The following NDUFA11 variants were observed in gnomAD, a reference collection of about 807,000 sequenced individuals.
The protein encoded by NDUFA11 is NADH:ubiquinone oxidoreductase subunit A11.
A neutral mutation model predicts 11.3 loss-of-function variants in NDUFA11; 14 were observed. The observed-to-expected ratio is 1.24, with a 90% confidence interval of 0.82 to 1.94. NDUFA11 has a LOEUF of 1.94. Among genes scored for constraint, NDUFA11 ranks in the 30% most tolerant of loss-of-function variants. The pLI, the probability that NDUFA11 is intolerant of heterozygous loss-of-function variation, is 0.00. For synonymous variants in NDUFA11, 87 were observed against 85.6 expected, an observed-to-expected ratio of 1.02 and a Z score of -0.09; for missense variants, 204 against 200.3, an observed-to-expected ratio of 1.02 and a Z score of -0.11.
chr19:5,899,275 G>C lies in NDUFA11; in HGVS notation c.98-2278C>G, dbSNP rs62106030. Among the ~76,000 whole-genome samples, 298 of 149,286 alleles carry C rather than the reference G, an allele frequency of 2.0e-3. 1 individual carries two copies. The highest frequency in any genetic ancestry group is 7.0e-3 in the African/African-American group (282 of 40,502). On this transcript the variant is annotated intron_variant, in intron 1 of 3. Coordinates refer to ENST00000308961, the MANE Select transcript of NDUFA11 (RefSeq NM_175614.5). ...CACCATTCTCCTGCCTCAGCCTCCC[G>C]AGTAGCTGGGACTACAGGCGCCCGC...
rs1278846658 is a variant in NDUFA11 at position 5,896,420 on chromosome 19, G to A, written c.313+33C>T. ...GTCAGGGGTCATTCTGCCAGGCTGGGAGGAGGGTGGGGGTGGGGAGGGGGC... is the reference window on the plus strand; with the variant it reads ...GTCAGGGGTCATTCTGCCAGGCTGGAAGGAGGGTGGGGGTGGGGAGGGGGC... On this transcript the variant is annotated intron_variant, in intron 3 of 3. Transcript: ENST00000308961. The surrounding 1 kb of genome is among the most constrained non-coding windows in gnomAD (Gnocchi z 5.8). The A allele has an allele frequency of 1.3e-6, 2 of 1,533,020 alleles. No homozygotes were observed. The highest frequency in any genetic ancestry group is 8.8e-7 in the Non-Finnish European group (1 of 1,131,412). The allele number at this position is 1,533,020 out of a possible 1,614,324, so 95.0% of individuals were successfully genotyped here. A position where few individuals can be genotyped will look rare whatever the true frequency, so the allele number is the denominator to read the frequency against.
At chr19:5,893,414 A>G, downstream of NDUFA11, 1 of 579,830 alleles carries the variant, frequency 1.7e-6, no homozygotes, top group South Asian at 2.1e-5. This position sits in a 1 kb window ranked among gnomAD's most constrained non-coding sequence, Gnocchi z 4.1. Flanking sequence ...CCAGTGAGCC[A>G]TGATCCTGCC....
downstream of NDUFA11, chr19:5,893,153 C>G (rs1430123795): frequency 2.0e-6 from 3 of 1,536,068 alleles, no homozygotes; most frequent in South Asian, 3.6e-5. This position sits in a 1 kb window ranked among gnomAD's most constrained non-coding sequence, Gnocchi z 4.1. Flanking sequence ...TCGAGGCAGG[C>G]GCTGGAAGAA....
At position 5,903,624 on chromosome 19, in the gene NDUFA11, C is replaced by A. The variant is rs540702143; in HGVS notation, c.85G>T (p.Ala29Ser). ...HRKAYSTTSIASVAGLTAAAY... is the reference protein window; with the variant it reads ...HRKAYSTTSISSVAGLTAAAY... ...GGCCGGCGCTCACCAGCGACGCTGGCAATACTGGTGGTGCTGTAGGCTTTG... is the reference window on the plus strand; with the variant it reads ...GGCCGGCGCTCACCAGCGACGCTGGAAATACTGGTGGTGCTGTAGGCTTTG... The change falls in exon 1 of 4, where the codon GCC (alanine) becomes TCC (serine). Residue 29 changes from alanine to serine, a missense_variant. Physicochemically the swap from Ala to Ser is moderately conservative, Grantham distance 99. Coordinates refer to ENST00000308961, the MANE Select transcript of NDUFA11 (RefSeq NM_175614.5). 10 of 1,550,932 alleles carry A rather than the reference C, an allele frequency of 6.4e-6. No homozygotes were observed. Among genetic ancestry groups the A allele is most frequent in the South Asian group, 3.6e-5 (3 of 84,072 alleles).
chr19:5,892,386 A>AG, downstream of NDUFA11: 2 of 155,788 alleles, frequency 1.3e-5, no homozygotes, highest in Non-Finnish European at 1.4e-5. Context: ...AAGGGCTTGC[A>AG]GGGGGCGGAG....
chr19:5,892,876 C>T (rs2057585957), downstream of NDUFA11: 5 of 1,408,618 alleles, frequency 3.5e-6, no homozygotes, highest in South Asian at 1.7e-5. Flanking sequence ...AAAGCTGAGG[C>T]CTGGGTGCTG....
In NDUFA11 at chr19:5,894,848, T is replaced by G. The variant is rs2057597854; in HGVS notation, c.320A>C (p.Asn107Thr). The change falls in exon 4 of 4, where the codon AAC becomes ACC. Residue 107 changes from asparagine (N) to threonine (T), a missense_variant. Physicochemically the swap from Asn to Thr is moderately conservative, Grantham distance 65 (BLOSUM62 0). Transcript: ENST00000308961. ...GGLTLGARTH[N>T]YGIGAAACVY... is the part of the protein sequence containing the mutation. ...GCAGGCGGCGGCGCCAATCCCGTAG[T>G]TGTGCGCTGTGGGAGTGGGGAGGTG... is the stretch of plus-strand genomic sequence containing the variant. The G allele has an allele frequency of 6.2e-7, 1 of 1,605,328 alleles. No individual in the cohort carries two copies.
In NDUFA11 at chr19:5,897,415, C is replaced by A. The variant is rs561860912; in HGVS notation, c.98-418G>T. On this transcript the variant is annotated intron_variant, in intron 1 of 3. Coordinates refer to ENST00000308961, the MANE Select transcript of NDUFA11 (RefSeq NM_175614.5). ...ACACCGCCAGCTCAGCGGCGCCCCC[C>A]ACGGGCCCTGGCACCAGGGCCCCAG... Among the ~76,000 whole-genome samples, 392 of 152,286 alleles carry A rather than the reference C, an allele frequency of 2.6e-3. 1 individual carries two copies. The highest frequency in any genetic ancestry group is 7.1e-3 in the African/African-American group (296 of 41,568).
downstream of NDUFA11, chr19:5,893,241 C>T (rs995702375): frequency 9.2e-6 from 14 of 1,520,510 alleles, no homozygotes; most frequent in South Asian, 3.6e-5. The surrounding 1 kb of genome is among the most constrained non-coding windows in gnomAD (Gnocchi z 4.1). Context: ...GAGGACTGCT[C>T]GAGGCCAGGA....
chr19:5,898,550 A>C (rs961207407), intron 1 of NDUFA11, among the ~76,000 whole-genome samples: 41 of 152,120 alleles, frequency 2.7e-4, no homozygotes, highest in African/African-American at 9.2e-4. Context: ...ATCCTACACC[A>C]ACCCCTGGGA....
intron 3 of NDUFA11, 93 bp from the exon 4 acceptor site, chr19:5,894,947 A>C (rs1273698932): frequency 2.9e-6 from 4 of 1,382,256 alleles, no homozygotes; most frequent in Non-Finnish European, 3.9e-6. Context: ...TGGGAGCCAG[A>C]CTGAGACCCC....
rs117639003 is a variant in NDUFA11, at chr19:5,898,554, C to T, written c.98-1557G>A. ...GGTTTCTCCTAATCCTACACCAACC[C>T]CTGGGATTCCTGCTCGACCTCAGAA... On this transcript the variant is annotated intron_variant, in intron 1 of 3. Transcript: ENST00000308961. Among the ~76,000 whole-genome samples the T allele has an allele frequency of 6.0e-3, 920 of 152,256 alleles. 8 individuals carry two copies. The highest frequency in any genetic ancestry group is 0.041 in the South Asian group (196 of 4,830).
intron 1 of NDUFA11, chr19:5,901,257 C>T (rs997276145): frequency 1.9e-5 from 23 of 1,197,996 alleles, no homozygotes; most frequent in East Asian, 5.9e-5. Context: ...CACCAACATA[C>T]GCGTCTTTCT....
chr19:5,895,403 C>T (rs1181472412), intron 3 of NDUFA11: 2 of 157,836 alleles, frequency 1.3e-5, no homozygotes, highest in African/African-American at 4.8e-5. Flanking sequence ...GGCTTGGGGA[C>T]AGGGAGCAGT....
downstream of NDUFA11, chr19:5,891,322 T>C (rs921334500): frequency 3.3e-5 from 5 of 152,034 alleles, no homozygotes; most frequent in Admixed American, 6.6e-5. Flanking sequence ...TACAGTGACA[T>C]GATCTCGGCT....
chr19:5,894,694 T>G lies in NDUFA11; in HGVS notation c.*48A>C. The G allele has an allele frequency of 6.3e-7, 1 of 1,597,682 alleles. No individual in the cohort carries two copies. Among genetic ancestry groups the G allele is most frequent in the Non-Finnish European group, 8.5e-7 (1 of 1,172,120 alleles). ...CTGACACACACACAGACACAGAATT[T>G]ATTTCTGGACGCATTCTGCAGGCTG... On this transcript the variant is annotated 3_prime_UTR_variant, in exon 4 of 4. Coordinates refer to ENST00000308961, the MANE Select transcript of NDUFA11 (RefSeq NM_175614.5).
chr19:5,896,791 A>G lies in NDUFA11; in HGVS notation c.190+114T>C. On this transcript the variant is annotated intron_variant, in intron 2 of 3. Coordinates refer to ENST00000308961, the MANE Select transcript of NDUFA11 (RefSeq NM_175614.5). The surrounding 1 kb of genome is among the most constrained non-coding windows in gnomAD (Gnocchi z 5.8). The stretch of plus-strand genomic sequence containing the variant: ...AACACCCCACTTTCTCCGGATGGCC[A>G]GCACTGTGGACACGGGCTGGGGAGT... The G allele has an allele frequency of 1.7e-6, 2 of 1,196,028 alleles. No individual in the cohort carries two copies. The highest frequency in any genetic ancestry group is 2.5e-6 in the Non-Finnish European group (2 of 804,470). The allele number at this position is 1,196,028 out of a possible 1,614,324, so 74.1% of individuals were successfully genotyped here.
rs1468574799 is a variant in NDUFA11, at chr19:5,900,921, AAAAAAAG to A, written c.97+2684_97+2690del. Among the ~76,000 whole-genome samples the A allele has an allele frequency of 1.4e-4, 21 of 151,446 alleles. 1 individual carries two copies. The highest frequency in any genetic ancestry group is 3.9e-4 in the East Asian group (2 of 5,144). ...ATGAGACTCCGTCTCAAAAAAAAAA[AAAAAAAG>A]AAAAAAGAAAAAAGAAAAATTTAGG... On this transcript the variant is annotated intron_variant, in intron 1 of 3. Coordinates refer to ENST00000308961, the MANE Select transcript of NDUFA11 (RefSeq NM_175614.5).
At chr19:5,897,601 C>T (rs2057618823) in intron 1 of NDUFA11, among the ~76,000 whole-genome samples, 1 of 152,232 alleles carries the variant, frequency 6.6e-6, no homozygotes, top group South Asian at 2.1e-4. Flanking sequence ...GCTCGTCCTG[C>T]ACACCTGGCT....
Sources: gnomAD v4.1 joint callset for allele counts (sites outside exome capture counted in the v4.1 genomes callset) on GRCh38, gnomAD v4.1.1 for gene constraint, Gnocchi (gnomAD v3.1) non-coding constraint, MANE v1.5 for transcripts, NCBI Gene and HGNC (gene_info 2026-07-23, HGNC 2026-07-21) for gene names.